BDH1: variants seen among roughly 807,000 people sequenced by gnomAD.
BDH1 encodes D-beta-hydroxybutyrate dehydrogenase, mitochondrial.
Under a neutral mutation model 33.1 loss-of-function variants are expected in BDH1, and 30 were observed. The ratio of observed to expected loss-of-function variants is 0.91; its 90% confidence interval spans 0.68 to 1.23. BDH1 has a LOEUF of 1.23. Ranked by LOEUF, BDH1 falls within the 50% of genes most tolerant of loss-of-function variation. The pLI, the probability that BDH1 is intolerant of heterozygous loss-of-function variation, is 0.00. For synonymous variants in BDH1, 190 were observed against 183.6 expected (o/e 1.03, Z -0.28); for missense variants, 443 against 464.4 (o/e 0.95, Z 0.42).
At chr3:197,555,157 G>T (rs928613805) in intron 1 of BDH1, among the ~76,000 whole-genome samples, 9 of 152,270 alleles carry the variant, frequency 5.9e-5, no homozygotes, top group Non-Finnish European at 1.2e-4. Context: ...CGGCCCTGTG[G>T]CCTGCCTGCT....
At chr3:197,561,288 T>C (rs952000832) in intron 1 of BDH1, among the ~76,000 whole-genome samples, 7 of 152,156 alleles carry the variant, frequency 4.6e-5, no homozygotes, top group African/African-American at 1.7e-4. Flanking sequence ...AGAGAATCCT[T>C]GATCTCCCCA....
chr3:197,570,468 T>C (rs1439146717), intron 1 of BDH1, among the ~76,000 whole-genome samples: 2 of 152,294 alleles, frequency 1.3e-5, no homozygotes, highest in East Asian at 3.9e-4. Flanking sequence ...CACAGGCCTA[T>C]AGGCCTAGAA....
intron 7 of BDH1, among the ~76,000 whole-genome samples, chr3:197,513,447 GCCCCCGGGAGGGCAC>G (rs1712319022): frequency 7.0e-6 from 1 of 143,452 alleles, no homozygotes; most frequent in Non-Finnish European, 1.5e-5. Flanking sequence ...ATCCAGGTGT[GCCCCCGGGAGGGCAC>G]TCAGCCCATC....
At position 197,520,727 on chromosome 3, in the gene BDH1, A is replaced by G; in HGVS notation, c.409+1913T>C. 6.6e-6 allele frequency among the ~76,000 whole-genome samples: 1 copy of G among 152,214 alleles called. No individual in the cohort carries two copies. The highest frequency in any genetic ancestry group is 1.9e-4 in the East Asian group (1 of 5,206). On this transcript the variant is annotated intron_variant, in intron 6 of 7. Transcript: ENST00000392379. The surrounding 1 kb of genome is among the most constrained non-coding windows in gnomAD (Gnocchi z 6.0). ...AGTAGTTTATGAAGGAAAATATAGCAGCTGCCCAGGGAAGGTGGGAGGGAG... is the reference window on the plus strand; with the variant it reads ...AGTAGTTTATGAAGGAAAATATAGCGGCTGCCCAGGGAAGGTGGGAGGGAG...
rs1714754784 is a variant in BDH1 at position 197,532,444 on chromosome 3, C to T, written c.235G>A (p.Gly79Ser). ...FSLAKHLHSKGFLVFAGCLMK... is the reference protein window; with the variant it reads ...FSLAKHLHSKSFLVFAGCLMK... ...AAGCAGCCAGCAAACACAAGGAAGC[C>T]TTTTGAATGCAGATGCTTGGCCAAT... is the stretch of plus-strand genomic sequence containing the variant. Residue 79 changes from glycine (G) to serine (S), a missense_variant, in exon 5 of 8, where the codon GGC becomes AGC. Coordinates refer to ENST00000392379, the MANE Select transcript of BDH1 (RefSeq NM_203314.3). The T allele has an allele frequency of 6.2e-7, 1 of 1,614,104 alleles. No individual in the cohort carries two copies. Among genetic ancestry groups the T allele is most frequent in the Non-Finnish European group, 8.5e-7 (1 of 1,180,034 alleles).
At chr3:197,560,957 G>A (rs921927368), upstream of BDH1, among the ~76,000 whole-genome samples, 1 of 151,644 alleles carries the variant, frequency 6.6e-6, no homozygotes, top group Non-Finnish European at 1.5e-5. Flanking sequence ...CACCTTTCTG[G>A]GCCAAATCAA....
chr3:197,558,388 T>G (rs961181475), upstream of BDH1, among the ~76,000 whole-genome samples: 1 of 152,214 alleles, frequency 6.6e-6, no homozygotes, highest in Non-Finnish European at 1.5e-5. Context: ...GCTCTTCCAG[T>G]CTTCCAGTGG....
At chr3:197,548,445 C>T (rs1050628517) in intron 2 of BDH1, among the ~76,000 whole-genome samples, 1 of 152,248 alleles carries the variant, frequency 6.6e-6, no homozygotes, top group Admixed American at 6.5e-5. Context: ...ATGCCTGTGG[C>T]AGAAAATGCT....
intron 1 of BDH1, among the ~76,000 whole-genome samples, chr3:197,564,897 T>C (rs987846568): frequency 2.6e-5 from 4 of 152,186 alleles, no homozygotes; most frequent in African/African-American, 9.6e-5. Flanking sequence ...ACAAATTTAA[T>C]TGGCTTCCTG....
chr3:197,558,352 G>C (rs1352554518), upstream of BDH1, among the ~76,000 whole-genome samples: 1 of 152,224 alleles, frequency 6.6e-6, no homozygotes, highest in Non-Finnish European at 1.5e-5. Context: ...CCAAAGGGCA[G>C]GCAGGAACTG....
At chr3:197,527,250 C>T (rs1252224893) in intron 5 of BDH1, among the ~76,000 whole-genome samples, 1 of 152,132 alleles carries the variant, frequency 6.6e-6, no homozygotes, top group East Asian at 1.9e-4. Context: ...TGGGGAAGAA[C>T]CCTGAGAGCA....
In BDH1 at chr3:197,512,237, G is replaced by A. The variant is rs747191828; in HGVS notation, c.690C>T (p.Gly230=). The change falls in exon 8 of 8, where the codon GGC becomes GGT. Residue 230 remains glycine (G), a synonymous_variant. Coordinates refer to ENST00000392379, the MANE Select transcript of BDH1 (RefSeq NM_203314.3). ...CGGGCTCCACCACGCTGACCTTCAC[G>A]CCCAGGGGGTACATCTCATAGCGCA... ...DCLRYEMYPL[G]VKVSVVEPGN... 7 of 1,613,614 alleles carry A rather than the reference G, an allele frequency of 4.3e-6. No homozygotes were observed. The highest frequency in any genetic ancestry group is 2.2e-5 in the East Asian group (1 of 44,888).
intron 3 of BDH1, chr3:197,543,225 T>C (rs2108755013): frequency 1.0e-6 from 1 of 972,156 alleles, no homozygotes; most frequent in East Asian, 1.1e-4. Flanking sequence ...TCGGGAGAAA[T>C]ATGGCCTCAC....
rs1002794772 is a variant in BDH1 at position 197,522,874 on chromosome 3, T to C, written c.268-93A>G. ...TGTCAAGGCAGGAGCTGGCCTCAAGTCCCAGCCAAAGCCTCAGGCATACTG... is the reference window on the plus strand; with the variant it reads ...TGTCAAGGCAGGAGCTGGCCTCAAGCCCCAGCCAAAGCCTCAGGCATACTG... On this transcript the variant is annotated intron_variant, in intron 5 of 7. Coordinates refer to ENST00000392379, the MANE Select transcript of BDH1 (RefSeq NM_203314.3). This position sits in a 1 kb window ranked among gnomAD's most constrained non-coding sequence, Gnocchi z 4.8. The C allele has an allele frequency of 6.7e-6, 10 of 1,500,322 alleles. No individual in the cohort carries two copies. The African/African-American group carries it at 1.4e-4, about 21-fold the overall frequency. The allele number at this position is 1,500,322 out of a possible 1,614,324, so 92.9% of individuals were successfully genotyped here. A position where few individuals can be genotyped will look rare whatever the true frequency, so the allele number is the denominator to read the frequency against.
rs1713781954 is a variant in BDH1, at chr3:197,523,563, AG to A, written c.268-783del. On this transcript the variant is annotated intron_variant, in intron 5 of 7. Transcript: ENST00000392379. The surrounding 1 kb of genome is among the most constrained non-coding windows in gnomAD (Gnocchi z 4.5). The stretch of plus-strand genomic sequence containing the variant: ...ATTCAGGTACTGCTAAACAGGAGAA[AG>A]GCGTCACTCGCTCGGCAAACATTTC... 6.6e-6 allele frequency among the ~76,000 whole-genome samples: 1 copy of A among 152,244 alleles called. No individual in the cohort carries two copies.
At chr3:197,557,362 G>A (rs543080016), upstream of BDH1, among the ~76,000 whole-genome samples, 2 of 152,336 alleles carry the variant, frequency 1.3e-5, no homozygotes, top group Admixed American at 6.5e-5. This position sits in a 1 kb window ranked among gnomAD's most constrained non-coding sequence, Gnocchi z 4.6. Context: ...TACAGAGAAG[G>A]AATGAATAGA....
chr3:197,510,598 G>GT lies in BDH1; in HGVS notation c.*1296_*1297insA, dbSNP rs1711811905. ...GCCACGCTGAAGCCCTGCAGAACAGGGGTGTGTGTGTGTGTGTGTGTGTGT... is the reference window on the plus strand; with the variant it reads ...GCCACGCTGAAGCCCTGCAGAACAGGTGGTGTGTGTGTGTGTGTGTGTGTGT... On this transcript the variant is annotated 3_prime_UTR_variant, in exon 8 of 8. Coordinates refer to ENST00000392379, the MANE Select transcript of BDH1 (RefSeq NM_203314.3). 2 of 123,418 alleles carry GT rather than the reference G, an allele frequency of 1.6e-5. No homozygotes were observed. Among genetic ancestry groups the GT allele is most frequent in the South Asian group, 2.4e-4 (1 of 4,144 alleles). 7.6% of individuals were successfully genotyped at this position (123,418 alleles called of 1,614,324 possible).
At chr3:197,544,277 C>T (rs1158376778) in intron 3 of BDH1, among the ~76,000 whole-genome samples, 2 of 152,302 alleles carry the variant, frequency 1.3e-5, no homozygotes, top group Admixed American at 6.5e-5. Flanking sequence ...GCCCAACCAC[C>T]ACCCAGGCCC....
At chr3:197,538,779 A>C (rs933717929) in intron 3 of BDH1, 3 of 175,366 alleles carry the variant, frequency 1.7e-5, no homozygotes, top group Admixed American at 5.7e-5. Context: ...CACTAGGAAA[A>C]CCTGCCAAGG....
Sources: gnomAD v4.1 joint callset for allele counts (sites outside exome capture counted in the v4.1 genomes callset) on GRCh38, gnomAD v4.1.1 for gene constraint, Gnocchi (gnomAD v3.1) non-coding constraint, MANE v1.5 for transcripts, NCBI Gene and HGNC (gene_info 2026-07-23, HGNC 2026-07-21) for gene names.